MDGA2: variants seen among roughly 807,000 people sequenced by gnomAD.
MDGA2 encodes MAM domain-containing glycosylphosphatidylinositol anchor protein 2.
MDGA2 carries 40 observed loss-of-function variants against 117.8 expected under a neutral mutation model. The ratio of observed to expected loss-of-function variants is 0.34; its 90% CI spans 0.26 to 0.44. The LOEUF is 0.44. MDGA2 is among the 20% of genes least tolerant of loss of function. The pLI is 1.00. For synonymous variants in MDGA2, 452 were observed against 439.0 expected (o/e 1.03, Z -0.37); for missense variants, 1,123 against 1,250.6 (o/e 0.90, Z 1.54).
At chr14:47,216,925 G>C (rs1250982733) in intron 3 of MDGA2, among the ~76,000 whole-genome samples, 3 of 151,934 alleles carry the variant, frequency 2.0e-5, no homozygotes, top group African/African-American at 7.2e-5. Context: ...TGAGGGGCAG[G>C]GGGCCTCAGG....
At chr14:47,657,608 C>T (rs1194256552) in intron 1 of MDGA2, among the ~76,000 whole-genome samples, 1 of 152,196 alleles carries the variant, frequency 6.6e-6, no homozygotes, top group African/African-American at 2.4e-5. Flanking sequence ...TTGATTGGAA[C>T]TGACAGTTAC....
At chr14:47,514,632 G>A (rs992428077) in intron 1 of MDGA2, among the ~76,000 whole-genome samples, 1 of 152,006 alleles carries the variant, frequency 6.6e-6, no homozygotes, top group Non-Finnish European at 1.5e-5. Context: ...TACAGACGGG[G>A]TCTTATTTTA....
chr14:47,083,320 A>G (rs1239259476), intron 6 of MDGA2, among the ~76,000 whole-genome samples: 1 of 152,016 alleles, frequency 6.6e-6, no homozygotes, highest in Non-Finnish European at 1.5e-5. Context: ...TCTTAGAAAT[A>G]CAGCTAGGGC....
At chr14:46,942,980 G>T (rs917707043) in intron 9 of MDGA2, among the ~76,000 whole-genome samples, 1 of 151,902 alleles carries the variant, frequency 6.6e-6, no homozygotes, top group Non-Finnish European at 1.5e-5. Flanking sequence ...TATCAATCAC[G>T]AATAAATGGG....
chr14:47,303,071 C>T (rs979560465), intron 1 of MDGA2, among the ~76,000 whole-genome samples: 17 of 152,142 alleles, frequency 1.1e-4, no homozygotes, highest in African/African-American at 3.6e-4. Context: ...ACATTAAATA[C>T]GCATAATAAA....
intron 1 of MDGA2, among the ~76,000 whole-genome samples, chr14:47,494,164 G>C (rs140672703): frequency 6.6e-6 from 1 of 152,132 alleles, no homozygotes; most frequent in East Asian, 1.9e-4. Context: ...TTCCCCAGCC[G>C]TACTGAACTG....
chr14:47,088,984 T>C (rs1412615469), intron 6 of MDGA2, among the ~76,000 whole-genome samples: 2 of 152,092 alleles, frequency 1.3e-5, no homozygotes, highest in African/African-American at 2.4e-5. Context: ...GGAGGAAAAA[T>C]ACTGATTAAC....
chr14:47,200,534 C>CTTTTCTT, intron 3 of MDGA2: 1 of 421,038 alleles, frequency 2.4e-6, no homozygotes, highest in Non-Finnish European at 3.9e-6. Context: ...TTTTTCTTTT[C>CTTTTCTT]TTTTTTTTTT....
intron 2 of MDGA2, among the ~76,000 whole-genome samples, chr14:47,263,618 A>G (rs1433124598): frequency 1.3e-5 from 2 of 152,082 alleles, no homozygotes; most frequent in Non-Finnish European, 2.9e-5. Context: ...GAAAGTTCCA[A>G]TAGATTAATC....
intron 6 of MDGA2, among the ~76,000 whole-genome samples, chr14:47,077,871 C>T (rs564054352): frequency 3.3e-5 from 5 of 152,102 alleles, no homozygotes; most frequent in Admixed American, 3.3e-4. Context: ...TACAACTTCT[C>T]TTTTATGGTT....
intron 1 of MDGA2, chr14:47,342,951 T>G: frequency 1.7e-6 from 1 of 592,864 alleles, no homozygotes; most frequent in African/African-American, 1.9e-5. Flanking sequence ...CCTTCTGAAG[T>G]CACAGTAGTA....
chr14:47,519,593 A>G (rs1431492395), intron 1 of MDGA2, among the ~76,000 whole-genome samples: 2 of 152,180 alleles, frequency 1.3e-5, no homozygotes, highest in Non-Finnish European at 2.9e-5. Flanking sequence ...CAAAGGTTAA[A>G]TTCTCCCAAG....
chr14:47,556,616 T>G (rs10129532), intron 1 of MDGA2, among the ~76,000 whole-genome samples: 38,290 of 152,090 alleles, frequency 0.25, 5,630 homozygotes, highest in South Asian at 0.53. Flanking sequence ...TCAAGTTAAG[T>G]TTCTTTAACC....
rs1891795090 is a variant in MDGA2 at position 47,387,790 on chromosome 14, A to G, written c.281-86240T>C. Among the ~76,000 whole-genome samples the G allele has an allele frequency of 2.0e-5, 3 of 152,302 alleles. No homozygotes were observed. In the South Asian group the frequency reaches 6.2e-4, roughly 32 times the overall value. On this transcript the variant is annotated intron_variant, in intron 1 of 16. Transcript: ENST00000399232. ...CATAGAATGGATATGACAACTTTGAAAGTCATAGATCTCACCATCTCTCTG... is the reference window on the plus strand; with the variant it reads ...CATAGAATGGATATGACAACTTTGAGAGTCATAGATCTCACCATCTCTCTG...
chr14:47,152,491 G>A (rs966977595), intron 3 of MDGA2, among the ~76,000 whole-genome samples: 11 of 151,888 alleles, frequency 7.2e-5, no homozygotes, highest in African/African-American at 2.7e-4. Context: ...TAATGTCCTG[G>A]GAGTCAAGTT....
At chr14:47,030,385 A>C (rs994845528) in intron 8 of MDGA2, among the ~76,000 whole-genome samples, 9 of 151,896 alleles carry the variant, frequency 5.9e-5, no homozygotes, top group African/African-American at 2.2e-4. Context: ...ATGGTGGCAC[A>C]TGCCTGTAAT....
chr14:47,540,536 G>GTATGTGTA (rs1555330653), intron 1 of MDGA2, among the ~76,000 whole-genome samples: 1 of 71,088 alleles, frequency 1.4e-5, no homozygotes, highest in African/African-American at 4.0e-5. Context: ...GTGTGTGTGT[G>GTATGTGTA]TGTGTATATA....
At chr14:47,648,520 C>T (rs1897578498) in intron 1 of MDGA2, among the ~76,000 whole-genome samples, 1 of 151,898 alleles carries the variant, frequency 6.6e-6, no homozygotes, top group Non-Finnish European at 1.5e-5. Flanking sequence ...GCTCAAAGAA[C>T]GATCGTAATC....
intron 1 of MDGA2, among the ~76,000 whole-genome samples, chr14:47,613,984 T>C (rs567743339): frequency 1.3e-4 from 20 of 152,220 alleles, no homozygotes; most frequent in African/African-American, 4.3e-4. Context: ...AAGAAATTTA[T>C]ATAGATTATT....
Sources: gnomAD v4.1 joint callset for allele counts (sites outside exome capture counted in the v4.1 genomes callset) on GRCh38, gnomAD v4.1.1 for gene constraint, MANE v1.5 for transcripts, NCBI Gene and HGNC (gene_info 2026-07-23, HGNC 2026-07-21) for gene names.